The following TRAPPC2L variants were observed in gnomAD, a reference collection of about 807,000 sequenced individuals.
TRAPPC2L encodes the protein trafficking protein particle complex subunit 2-like protein.
In TRAPPC2L, 17 loss-of-function variants were observed where a neutral mutation model predicts 13.2. The observed-to-expected ratio is 1.29, with a 90% CI of 0.88 to 1.93. TRAPPC2L has a LOEUF of 1.93. Ranked by LOEUF, TRAPPC2L falls within the 30% of genes most tolerant of loss-of-function variation. TRAPPC2L has a pLI of 0.00. For missense variants in TRAPPC2L, 359 were observed against 252.1 expected (o/e 1.42, Z -2.87); for synonymous variants, 150 against 98.1 (o/e 1.53, Z -3.12).
chr16:88,861,755 C>T, exon 4 of TRAPPC2L: 1 of 452,260 alleles, frequency 2.2e-6, no homozygotes. Flanking sequence ...GGAGTTGGTT[C>T]CAGCACTGGT....
exon 2 of TRAPPC2L, chr16:88,858,620 A>C (rs1968151492): frequency 4.3e-6 from 7 of 1,612,568 alleles, no homozygotes; most frequent in Middle Eastern, 3.3e-4. Context: ...TTCTTGCAGA[A>C]TTACCCCCTC....
upstream of TRAPPC2L, chr16:88,857,088 T>A: frequency 6.5e-7 from 1 of 1,539,268 alleles, no homozygotes; most frequent in Non-Finnish European, 8.7e-7. Context: ...GGGGCGGGGC[T>A]TTGGAGGCCG....
At chr16:88,859,619 G>A (rs766116047) in intron 2 of TRAPPC2L, 44 bp from the exon 3 acceptor site, 5 of 1,578,790 alleles carry the variant, frequency 3.2e-6, no homozygotes, top group Admixed American at 3.3e-5. Flanking sequence ...GCCCTCCACC[G>A]GCAGTCCCTG....
intron 3 of TRAPPC2L, 22 bp downstream of exon 3, chr16:88,859,772 C>T (rs1031014589): frequency 6.2e-7 from 1 of 1,603,442 alleles, no homozygotes; most frequent in Non-Finnish European, 8.5e-7. Flanking sequence ...AGTTAGAGGG[C>T]CACGCCCGAG....
At chr16:88,858,584 C>T (rs1861095472) in intron 1 of TRAPPC2L, 35 bp from the exon 2 acceptor site, 2 of 1,604,582 alleles carry the variant, frequency 1.2e-6, no homozygotes, top group Non-Finnish European at 1.7e-6. Context: ...TGGGTGGAGT[C>T]TTGTCCTTTC....
exon 4 of TRAPPC2L, chr16:88,860,304 C>T (rs780812677): frequency 1.3e-5 from 9 of 696,260 alleles, no homozygotes; most frequent in Admixed American, 4.1e-5. Flanking sequence ...AGGGATCACA[C>T]GTCCTTTTGT....
Position 88,857,353 on chromosome 16 carries a change from C to A in TRAPPC2L, c.33+170C>A, listed in dbSNP as rs1009050937. 8 of 599,964 alleles carry A rather than the reference C, an allele frequency of 1.3e-5. No individual in the cohort carries two copies. In the Admixed American group the frequency reaches 3.2e-4, roughly 24 times the overall value. 37.2% of individuals were successfully genotyped at this position (599,964 alleles called of 1,614,324 possible). On this transcript the variant is annotated intron_variant, in intron 1 of 3. Coordinates refer to ENST00000565504, the Ensembl canonical transcript of TRAPPC2L. ...GCGGTGGACGAGCCGCCAGGCAGAC[C>A]CTGACTGAGACCCCAGTTCCGCGCT...
At chr16:88,857,536 G>GCCCCGGCCCTCCTGCCAGTCTC (rs1567553162) in intron 1 of TRAPPC2L, 3 of 310,466 alleles carry the variant, frequency 9.7e-6, no homozygotes, top group African/African-American at 4.3e-5. Context: ...GCGGACGGCG[G>GCCCCGGCCCTCCTGCCAGTCTC]CCCCGGCCCT....
chr16:88,856,979 GA>G, upstream of TRAPPC2L: 4 of 1,394,584 alleles, frequency 2.9e-6, no homozygotes, highest in Non-Finnish European at 3.7e-6. Context: ...ACGGCCACGT[GA>G]CTCGCGGGGC....
chr16:88,861,972 T>C (rs1968421092), exon 4 of TRAPPC2L: 1 of 246,046 alleles, frequency 4.1e-6, no homozygotes, highest in Non-Finnish European at 8.2e-6. Context: ...GAAAACTGCA[T>C]GCCCCAGGCC....
Position 88,858,601 on chromosome 16 carries a change from C to T in TRAPPC2L, c.34-18C>T, listed in dbSNP as rs772754385. ...GGTGGAGTCTTGTCCTTTCAGTCGC[C>T]GTCATCCTTTCTTGCAGAATTACCC... On this transcript the variant is annotated intron_variant, in intron 1 of 3. Coordinates refer to ENST00000565504, the Ensembl canonical transcript of TRAPPC2L. The T allele has an allele frequency of 6.8e-6, 11 of 1,610,152 alleles. No homozygotes were observed. Among genetic ancestry groups the T allele is most frequent in the Admixed American group, 1.7e-5 (1 of 59,970 alleles).
rs1001080162 is a variant in TRAPPC2L, at chr16:88,861,079, G to A, written c.*755G>A. On this transcript the variant is annotated 3_prime_UTR_variant, in exon 4 of 4. Coordinates refer to ENST00000565504, the Ensembl canonical transcript of TRAPPC2L. ...TGGGGCTTTCAGGGCAGGCAGCTGT[G>A]CATGTTCTCTCAACTAAAGGTCTTG... 7 of 958,060 alleles carry A rather than the reference G, an allele frequency of 7.3e-6. No individual in the cohort carries two copies. The African/African-American group carries it at 8.1e-5, about 11-fold the overall frequency. The allele number at this position is 958,060 out of a possible 1,614,324, so 59.3% of individuals were successfully genotyped here.
chr16:88,859,562 T>C (rs1171257529), intron 2 of TRAPPC2L, 101 bp from the exon 3 acceptor site: 7 of 1,123,794 alleles, frequency 6.2e-6, no homozygotes, highest in Non-Finnish European at 9.5e-6. Context: ...GGGCATTTCC[T>C]GTGATTCAAG....
intron 2 of TRAPPC2L, 93 bp downstream of exon 2, chr16:88,858,884 G>T: frequency 7.2e-7 from 1 of 1,392,310 alleles, no homozygotes; most frequent in Non-Finnish European, 9.6e-7. Flanking sequence ...AGAAGAAAAA[G>T]AGGTGAGAGT....
chr16:88,860,856 C>T (rs1278448725), exon 4 of TRAPPC2L: 7 of 1,551,290 alleles, frequency 4.5e-6, no homozygotes, highest in Admixed American at 1.9e-5. Context: ...CGGCCCGTCT[C>T]TGAGCAGAGG....
exon 4 of TRAPPC2L, chr16:88,860,379 A>G (rs972993475): frequency 1.6e-6 from 1 of 634,678 alleles, no homozygotes; most frequent in Non-Finnish European, 2.8e-6. Context: ...TGTCTTCCGA[A>G]TAGTCCACAA....
chr16:88,861,834 G>A (rs955968499), exon 4 of TRAPPC2L: 3 of 356,660 alleles, frequency 8.4e-6, no homozygotes, highest in South Asian at 2.0e-5. Context: ...AGGCTGTAAG[G>A]GGGGGTCAGC....
upstream of TRAPPC2L, chr16:88,857,074 G>A (rs1231057099): frequency 3.3e-6 from 5 of 1,507,012 alleles, no homozygotes; most frequent in Admixed American, 8.2e-5. Context: ...AGCTGTGTGC[G>A]GATGGGGCGG....
chr16:88,856,587 C>T, upstream of TRAPPC2L: 3 of 611,370 alleles, frequency 4.9e-6, no homozygotes, highest in South Asian at 3.2e-5. Context: ...GGATACCCCC[C>T]GTCCCCTCCC....
Sources: allele counts gnomAD v4.1 joint callset, GRCh38; gene constraint gnomAD v4.1.1; transcripts MANE v1.5; gene names NCBI Gene and HGNC (gene_info 2026-07-23, HGNC 2026-07-21).